The following DAB2IP variants were observed in gnomAD, a reference collection of about 807,000 sequenced individuals.
DAB2IP encodes the protein disabled homolog 2-interacting protein.
In DAB2IP, 28 loss-of-function variants were observed where a neutral mutation model predicts 107.2. That is an observed-to-expected ratio of 0.26 (90% CI 0.19 to 0.36). The LOEUF is 0.36. DAB2IP is among the 10% of genes least tolerant of loss of function. DAB2IP has a pLI of 1.00. For missense variants in DAB2IP, 1,400 were observed against 1,644.7 expected, an observed-to-expected ratio of 0.85 and a Z score of 2.57; for synonymous variants, 755 against 706.4, an observed-to-expected ratio of 1.07 and a Z score of -1.09.
exon 16 of DAB2IP, chr9:121,784,031 T>G (rs1428983508): frequency 5.1e-6 from 1 of 196,560 alleles, no homozygotes; most frequent in Non-Finnish European, 1.1e-5. Context: ...AGGGTGGATG[T>G]GCTGGAGGGG....
upstream of DAB2IP, among the ~76,000 whole-genome samples, chr9:121,650,851 GCAGAGGT>G (rs1392281138): frequency 6.6e-6 from 1 of 152,178 alleles, no homozygotes; most frequent in Non-Finnish European, 1.5e-5. Flanking sequence ...ATTAGGGGGA[GCAGAGGT>G]GAGGCTGGAG....
rs1202614379 is a variant in DAB2IP, at chr9:121,769,881, G to GT, written c.1900-662dup. Reference sequence around the variant, plus strand: ...TGCAACAGGGATTTGAAACTCAACTGTTTGCCTCTCAATTGCGTGCTCTAT... The same window carrying GT: ...TGCAACAGGGATTTGAAACTCAACTGTTTTGCCTCTCAATTGCGTGCTCTAT... On this transcript the variant is annotated intron_variant, in intron 10 of 15. Coordinates refer to ENST00000408936, the Ensembl canonical transcript of DAB2IP. Among the ~76,000 whole-genome samples the GT allele has an allele frequency of 1.3e-5, 2 of 152,322 alleles. 1 individual carries two copies. Among genetic ancestry groups the GT allele is most frequent in the African/African-American group, 4.8e-5 (2 of 41,566 alleles).
In DAB2IP at chr9:121,742,930, C is replaced by T. The variant is rs1185123654; in HGVS notation, c.363-14083C>T. 2.3e-5 allele frequency: 23 copies of T among 985,356 alleles called. No homozygotes were observed. In the South Asian group the frequency reaches 4.2e-4, roughly 18 times the overall value. The allele number at this position is 985,356 out of a possible 1,614,324, so 61.0% of individuals were successfully genotyped here. On this transcript the variant is annotated intron_variant, in intron 3 of 15. Transcript: ENST00000408936. Reference sequence around the variant, plus strand: ...TGGGGCACCTGTGACAGGTGAGACTCCTCATCTTGCCCCCTTCTTTCTTCA... The same window carrying T: ...TGGGGCACCTGTGACAGGTGAGACTTCTCATCTTGCCCCCTTCTTTCTTCA...
intron 9 of DAB2IP, among the ~76,000 whole-genome samples, chr9:121,768,031 G>T (rs1292969566): frequency 6.6e-6 from 1 of 152,074 alleles, no homozygotes; most frequent in African/African-American, 2.4e-5. Context: ...GGTGTGGCAG[G>T]CTGAGTAGGA....
chr9:121,624,723 G>A (rs1831582105), intron 1 of DAB2IP, among the ~76,000 whole-genome samples: 1 of 152,196 alleles, frequency 6.6e-6, no homozygotes, highest in Admixed American at 6.5e-5. Flanking sequence ...GTTTGTGCAA[G>A]TGTACTCTAT....
chr9:121,657,127 C>G (rs1833002674), intron 1 of DAB2IP, among the ~76,000 whole-genome samples: 1 of 152,238 alleles, frequency 6.6e-6, no homozygotes, highest in Admixed American at 6.5e-5. Context: ...CCCCTGGATC[C>G]TGCTGTCATT....
chr9:121,744,887 G>T (rs1324552023), intron 3 of DAB2IP, among the ~76,000 whole-genome samples: 7 of 152,212 alleles, frequency 4.6e-5, no homozygotes, highest in Admixed American at 2.6e-4. Context: ...AGACGGATAG[G>T]CTGCTGGAGT....
Position 121,770,542 on chromosome 9 carries a change from A to T in DAB2IP, c.1900-4A>T, listed in dbSNP as rs777899183. On this transcript the variant is annotated splice_region_variant and splice_polypyrimidine_tract_variant and intron_variant, in intron 10 of 15. Coordinates refer to ENST00000408936, the Ensembl canonical transcript of DAB2IP. ...CACACCTGCCTCTTGCTGTGCCTTT[A>T]CAGAGCATAGTATCCAAACTGGGAC... 6.2e-7 allele frequency: 1 copy of T among 1,613,128 alleles called. No individual in the cohort carries two copies. Among genetic ancestry groups the T allele is most frequent in the East Asian group, 2.2e-5 (1 of 44,844 alleles).
intron 1 of DAB2IP, among the ~76,000 whole-genome samples, chr9:121,646,168 C>A (rs1832529263): frequency 6.6e-6 from 1 of 152,196 alleles, no homozygotes; most frequent in Non-Finnish European, 1.5e-5. Flanking sequence ...AGCCTGGGGT[C>A]ATCTTGTCCC....
intron 1 of DAB2IP, among the ~76,000 whole-genome samples, chr9:121,593,827 C>T (rs1164029722): frequency 6.6e-6 from 1 of 151,658 alleles, no homozygotes; most frequent in African/African-American, 2.4e-5. Context: ...ACCACCACAC[C>T]CAGGTAATTT....
chr9:121,766,903 C>A (rs531762200), intron 9 of DAB2IP, among the ~76,000 whole-genome samples, 173 bp downstream of exon 9: 1 of 152,344 alleles, frequency 6.6e-6, no homozygotes, highest in South Asian at 2.1e-4. Context: ...AATCTCCACA[C>A]CCTGTCCTTC....
At chr9:121,587,182 C>T (rs557089201) in intron 1 of DAB2IP, among the ~76,000 whole-genome samples, 1 of 152,316 alleles carries the variant, frequency 6.6e-6, no homozygotes, top group East Asian at 1.9e-4. Context: ...GAGATGACTA[C>T]TTCCATCCAC....
chr9:121,772,207 ACT>A lies in DAB2IP; in HGVS notation c.2079-397_2079-396del, dbSNP rs551172105. Among the ~76,000 whole-genome samples, 138 of 152,244 alleles carry A rather than the reference ACT, an allele frequency of 9.1e-4. 2 individuals carry two copies. Among genetic ancestry groups the A allele is most frequent in the Middle Eastern group, 6.8e-3 (2 of 294 alleles). ...GGGAAGAGGCAGAGGGAACCCAGTG[ACT>A]CTGAAGTTGGGGTTCTCAATGCAGG... is the stretch of plus-strand genomic sequence containing the variant. On this transcript the variant is annotated intron_variant, in intron 11 of 15. Transcript: ENST00000408936. This position sits in a 1 kb window ranked among gnomAD's most constrained non-coding sequence, Gnocchi z 4.7.
Position 121,763,652 on chromosome 9 carries a change from A to T in DAB2IP, c.1315+3A>T. 1 of 1,612,836 alleles carries T rather than the reference A, an allele frequency of 6.2e-7. No homozygotes were observed. Among genetic ancestry groups the T allele is most frequent in the South Asian group, 1.1e-5 (1 of 90,950 alleles). Reference sequence around the variant, plus strand: ...GAAGTACCTGCAGGACGCCCTAGGTAGGGAGTGGGCCAGCAGCAGGGCAGA... The same window carrying T: ...GAAGTACCTGCAGGACGCCCTAGGTTGGGAGTGGGCCAGCAGCAGGGCAGA... On this transcript the variant is annotated splice_donor_region_variant and intron_variant, in intron 7 of 15. Coordinates refer to ENST00000408936, the Ensembl canonical transcript of DAB2IP.
intron 1 of DAB2IP, among the ~76,000 whole-genome samples, chr9:121,596,747 G>T (rs1415851337): frequency 6.0e-5 from 9 of 150,834 alleles, no homozygotes; most frequent in Non-Finnish European, 1.3e-4. Context: ...ATGAGCAAGA[G>T]GTTCTCTATG....
At chr9:121,718,938 T>A (rs1334036710) in intron 3 of DAB2IP, among the ~76,000 whole-genome samples, 1 of 152,222 alleles carries the variant, frequency 6.6e-6, no homozygotes, top group Non-Finnish European at 1.5e-5. Context: ...TTGCTCCTCA[T>A]TTTTTGTGCC....
chr9:121,569,988 T>C (rs928565239), intron 1 of DAB2IP, among the ~76,000 whole-genome samples: 5 of 152,014 alleles, frequency 3.3e-5, no homozygotes, highest in Non-Finnish European at 5.9e-5. Context: ...GGAGATGGGG[T>C]CTTGCTGTGT....
intron 1 of DAB2IP, among the ~76,000 whole-genome samples, chr9:121,602,565 T>TA (rs1233520476): frequency 2.1e-5 from 3 of 145,768 alleles, no homozygotes; most frequent in African/African-American, 7.6e-5. Flanking sequence ...AGCCAATTTT[T>TA]AAATTTGTTT....
At chr9:121,693,624 C>T (rs1180756620) in intron 2 of DAB2IP, among the ~76,000 whole-genome samples, 1 of 152,216 alleles carries the variant, frequency 6.6e-6, no homozygotes, top group East Asian at 1.9e-4. Context: ...AGGGTTCTGC[C>T]TCCATCCTGA....
Sources: allele counts gnomAD v4.1 joint callset (sites outside exome capture counted in the v4.1 genomes callset), GRCh38; gene constraint gnomAD v4.1.1; non-coding constraint Gnocchi (gnomAD v3.1); transcripts MANE v1.5; gene names NCBI Gene and HGNC (gene_info 2026-07-23, HGNC 2026-07-21).